Variants in BPIFB4 observed in about 807,000 individuals in gnomAD.
BPIFB4 encodes the protein BPI fold-containing family B member 4.
Under a neutral mutation model 69.2 loss-of-function variants are expected in BPIFB4, and 62 were observed. The observed-to-expected ratio is 0.90, with a 90% CI of 0.73 to 1.11. The LOEUF is 1.11. BPIFB4 is among the 50% of genes least tolerant of loss of function. The pLI is 0.00. For synonymous variants in BPIFB4, 330 were observed against 332.7 expected, an observed-to-expected ratio of 0.99 and a Z score of 0.09; for missense variants, 789 against 792.0, an observed-to-expected ratio of 1.00 and a Z score of 0.04.
intron 3 of BPIFB4, among the ~76,000 whole-genome samples, chr20:33,082,402 C>T (rs1417485112): frequency 2.6e-5 from 4 of 152,114 alleles, no homozygotes; most frequent in Non-Finnish European, 4.4e-5. Flanking sequence ...GGTGCGATCT[C>T]GGCTTACTGC....
At chr20:33,106,695 C>T (rs1228707667) in intron 16 of BPIFB4, among the ~76,000 whole-genome samples, 1 of 152,134 alleles carries the variant, frequency 6.6e-6, no homozygotes, top group African/African-American at 2.4e-5. Flanking sequence ...GATACAGAAA[C>T]AGATAATTAA....
chr20:33,094,994 C>T (rs531708961), intron 11 of BPIFB4, 106 bp from the exon 12 acceptor site: 4 of 1,141,008 alleles, frequency 3.5e-6, no homozygotes, highest in Non-Finnish European at 5.3e-6. Context: ...ACGAAGACGC[C>T]CTGCTGGGTG....
Position 33,100,443 on chromosome 20 carries a change from C to T in BPIFB4, c.1587C>T (p.Ala529=), listed in dbSNP as rs1981876595. The change falls in exon 14 of 18, where the codon GCC becomes GCT. Residue 529 remains alanine (A), a synonymous_variant. Transcript: ENST00000375483. Reference sequence around the variant, plus strand: ...CCCTCCAGGACACAGAATTCTTGGCCTCATTTTCCACAGAAGGAGATAAGC... The same window carrying T: ...CCCTCCAGGACACAGAATTCTTGGCTTCATTTTCCACAGAAGGAGATAAGC... ...CLIDVDTEFL[A]SFSTEGDKLM... The T allele has an allele frequency of 6.2e-7, 1 of 1,604,472 alleles. No individual in the cohort carries two copies. Among genetic ancestry groups the T allele is most frequent in the Non-Finnish European group, 8.5e-7 (1 of 1,171,208 alleles).
rs1428579043 is a variant in BPIFB4 at position 33,094,446 on chromosome 20, A to T, written c.1345-654A>T. Reference sequence around the variant, plus strand: ...AGTGGACACTGAGTTATGCAAATGGACTTGATGCTGGTCTCCTTGTTTTAA... The same window carrying T: ...AGTGGACACTGAGTTATGCAAATGGTCTTGATGCTGGTCTCCTTGTTTTAA... On this transcript the variant is annotated intron_variant, in intron 11 of 17. Coordinates refer to ENST00000375483, the MANE Select transcript of BPIFB4 (RefSeq NM_182519.3). 3.9e-5 allele frequency among the ~76,000 whole-genome samples: 6 copies of T among 152,180 alleles called. 1 individual carries two copies. Among genetic ancestry groups the T allele is most frequent in the African/African-American group, 1.4e-4 (6 of 41,508 alleles).
intron 17 of BPIFB4, among the ~76,000 whole-genome samples, chr20:33,111,095 C>T (rs1394463214): frequency 1.3e-5 from 2 of 152,062 alleles, no homozygotes; most frequent in African/African-American, 2.4e-5. Flanking sequence ...GGATTACAGG[C>T]GTAAGCCACC....
At chr20:33,083,308 TCTTTTGGGTGGTGGC>T in intron 4 of BPIFB4, 44 bp from the exon 5 acceptor site, 1 of 1,541,228 alleles carries the variant, frequency 6.5e-7, no homozygotes. Context: ...GTGGTGGTGG[TCTTTTGGGTGGTGGC>T]CGACACCATT....
intron 7 of BPIFB4, among the ~76,000 whole-genome samples, chr20:33,087,353 T>C (rs540414839): frequency 6.6e-6 from 1 of 152,318 alleles, no homozygotes; most frequent in Non-Finnish European, 1.5e-5. Context: ...TGAACATAGA[T>C]TCTCATCTTC....
At chr20:33,082,807 G>T in intron 3 of BPIFB4, 131 bp from the exon 4 acceptor site, 1 of 877,448 alleles carries the variant, frequency 1.1e-6, no homozygotes. Context: ...AAGTCATCCC[G>T]TTCAGCCTCT....
chr20:33,083,193 G>C (rs1203222216), intron 4 of BPIFB4, among the ~76,000 whole-genome samples, 174 bp from the exon 5 acceptor site: 1 of 129,060 alleles, frequency 7.7e-6, no homozygotes, highest in Non-Finnish European at 1.7e-5. Flanking sequence ...CTGGGTGGAG[G>C]AGGTGGCAGT....
chr20:33,094,751 A>T (rs1165518991), intron 11 of BPIFB4, among the ~76,000 whole-genome samples: 1 of 152,048 alleles, frequency 6.6e-6, no homozygotes. Context: ...GAAGTGATCC[A>T]CCTGCCTCGG....
intron 10 of BPIFB4, among the ~76,000 whole-genome samples, chr20:33,091,916 G>A (rs946075170): frequency 1.2e-4 from 18 of 152,206 alleles, no homozygotes; most frequent in African/African-American, 4.1e-4. Flanking sequence ...TCCTGGAGGA[G>A]GTAACACTTG....
At chr20:33,083,060 A>T in intron 4 of BPIFB4, 60 bp downstream of exon 4, 4 of 762,740 alleles carry the variant, frequency 5.2e-6, no homozygotes, top group Non-Finnish European at 6.7e-6. Context: ...TGGAAGTGGA[A>T]GTGGAGGTGG....
chr20:33,086,193 T>C, intron 7 of BPIFB4, 29 bp downstream of exon 7: 1 of 1,590,676 alleles, frequency 6.3e-7, no homozygotes, highest in East Asian at 2.3e-5. Context: ...TGGAGTGCCT[T>C]GGGGGTTGCT....
At chr20:33,093,548 A>G (rs372167885) in intron 11 of BPIFB4, among the ~76,000 whole-genome samples, 10 of 94,734 alleles carry the variant, frequency 1.1e-4, no homozygotes, top group Non-Finnish European at 2.1e-4. Flanking sequence ...CAACCCACCC[A>G]TCCTTCCATC....
intron 9 of BPIFB4, 138 bp from the exon 10 acceptor site, chr20:33,090,570 C>A: frequency 7.0e-7 from 1 of 1,429,486 alleles, no homozygotes. Context: ...GGGATTCAAA[C>A]CCAGAACTTT....
At chr20:33,088,340 C>A (rs1426033285) in intron 7 of BPIFB4, among the ~76,000 whole-genome samples, 2 of 122,822 alleles carry the variant, frequency 1.6e-5, no homozygotes, top group Admixed American at 8.2e-5. Flanking sequence ...GACTCTGTCT[C>A]AAAAAAAAAA....
chr20:33,108,052 TTGTTGCCATCTTA>T (rs1982121304), intron 17 of BPIFB4, among the ~76,000 whole-genome samples: 2 of 152,314 alleles, frequency 1.3e-5, no homozygotes, highest in African/African-American at 4.8e-5. Flanking sequence ...ACAGGTGTCA[TTGTTGCCATCTTA>T]CAGATGTGAG....
chr20:33,106,371 T>C (rs567311526), intron 16 of BPIFB4, among the ~76,000 whole-genome samples: 1 of 113,772 alleles, frequency 8.8e-6, no homozygotes, highest in South Asian at 2.7e-4. Context: ...ACAGCTCTTT[T>C]CTTTCTTTTT....
intron 9 of BPIFB4, 67 bp downstream of exon 9, chr20:33,089,625 G>T: frequency 6.2e-7 from 1 of 1,611,092 alleles, no homozygotes; most frequent in Non-Finnish European, 8.5e-7. Context: ...TGGGAGGAGG[G>T]CTCAATGTGG....
Sources: allele counts gnomAD v4.1 joint callset (sites outside exome capture counted in the v4.1 genomes callset), GRCh38; gene constraint gnomAD v4.1.1; transcripts MANE v1.5; gene names NCBI Gene and HGNC (gene_info 2026-07-23, HGNC 2026-07-21).